The following LATS1 variants were observed in gnomAD, a reference collection of about 807,000 sequenced individuals.
LATS1 encodes the protein serine/threonine-protein kinase LATS1.
LATS1 carries 25 observed loss-of-function variants against 106.6 expected under a neutral mutation model. The ratio of observed to expected loss-of-function variants is 0.23; its 90% confidence interval spans 0.17 to 0.33. The LOEUF (loss-of-function observed/expected upper bound fraction) is 0.33. Ranked by LOEUF, LATS1 falls within the 10% of genes least tolerant of loss-of-function variation. The pLI is 1.00. For synonymous variants in LATS1, 465 were observed against 455.6 expected, an observed-to-expected ratio of 1.02 and a Z score of -0.26; for missense variants, 1,040 against 1,382.6, an observed-to-expected ratio of 0.75 and a Z score of 3.93.
At chr6:149,669,483 C>G (rs1044380295) in intron 7 of LATS1, among the ~76,000 whole-genome samples, 2 of 152,024 alleles carry the variant, frequency 1.3e-5, no homozygotes, top group African/African-American at 4.8e-5. Context: ...AACTACAAGC[C>G]AGGTGCAGGC....
chr6:149,665,116 C>T (rs1012126954), intron 7 of LATS1, among the ~76,000 whole-genome samples: 7 of 152,178 alleles, frequency 4.6e-5, no homozygotes, highest in Admixed American at 3.9e-4. Context: ...AATCCCAGCA[C>T]TTTGGGAGGC....
chr6:149,662,247 A>T lies in LATS1; in HGVS notation c.2884-9T>A, dbSNP rs749578860. 6.4e-7 allele frequency: 1 copy of T among 1,551,246 alleles called. No homozygotes were observed. Among genetic ancestry groups the T allele is most frequent in the East Asian group, 2.3e-5 (1 of 44,212 alleles). On this transcript the variant is annotated splice_polypyrimidine_tract_variant and intron_variant, in intron 7 of 7. Transcript: ENST00000543571. ...GTTTGCCAGTTGATAACCTTTAAAG[A>T]TTTTTTAAAATTAGGGGGAAGAGAT...
At position 149,683,569 on chromosome 6, in the gene LATS1, T is replaced by G. The variant is rs1782180454; in HGVS notation, c.1520A>C (p.Glu507Ala). 1.9e-6 allele frequency: 3 copies of G among 1,614,222 alleles called. No individual in the cohort carries two copies. The highest frequency in any genetic ancestry group is 2.5e-6 in the Non-Finnish European group (3 of 1,180,036). ...PVKSMRVLKP[E>A]LQTALAPTHP... Reference sequence around the variant, plus strand: ...TGTAGGTGCTAAAGCAGTCTGTAGCTCTGGTTTTAATACACGCATACTTTT... The same window carrying G: ...TGTAGGTGCTAAAGCAGTCTGTAGCGCTGGTTTTAATACACGCATACTTTT... The change falls in exon 4 of 8, where the codon GAG becomes GCG. Residue 507 changes from glutamate to alanine, a missense_variant. By Grantham distance (107) the Glu-to-Ala change is moderately radical. Coordinates refer to ENST00000543571, the MANE Select transcript of LATS1 (RefSeq NM_004690.4).
intron 3 of LATS1, among the ~76,000 whole-genome samples, chr6:149,690,593 C>T (rs1472030975): frequency 1.3e-5 from 2 of 151,240 alleles, no homozygotes; most frequent in East Asian, 3.9e-4. Flanking sequence ...ATTGCTCAGG[C>T]TGGAGTGCAG....
chr6:149,683,003 T>C, intron 4 of LATS1, 76 bp downstream of exon 4: 1 of 1,168,658 alleles, frequency 8.6e-7, no homozygotes, highest in Non-Finnish European at 1.2e-6. Context: ...AGAAAAATAC[T>C]GGACACAATA....
chr6:149,697,939 C>T (rs1783194374), intron 2 of LATS1, among the ~76,000 whole-genome samples: 1 of 152,062 alleles, frequency 6.6e-6, no homozygotes, highest in South Asian at 2.1e-4. Context: ...AAGGTTTTGC[C>T]TTGTTGGCCA....
intron 7 of LATS1, among the ~76,000 whole-genome samples, chr6:149,666,177 C>T (rs1187367637): frequency 7.1e-6 from 1 of 141,638 alleles, no homozygotes; most frequent in African/African-American, 2.6e-5. Flanking sequence ...AGTCTCATAA[C>T]ATATTATTCA....
chr6:149,662,511 A>G lies in LATS1; in HGVS notation c.2884-273T>C, dbSNP rs1582832330. On this transcript the variant is annotated intron_variant, in intron 7 of 7. Transcript: ENST00000543571. ...CTACTCTGCCTCCCCTGTACCATAT[A>G]TTTATTTCTATCATATTTCTAATAG... Among the ~76,000 whole-genome samples the G allele has an allele frequency of 3.3e-5, 5 of 151,904 alleles. No individual in the cohort carries two copies. The South Asian group carries it at 8.3e-4, about 25-fold the overall frequency.
intron 3 of LATS1, among the ~76,000 whole-genome samples, chr6:149,694,540 T>G (rs979541457): frequency 6.6e-6 from 1 of 152,142 alleles, no homozygotes; most frequent in African/African-American, 2.4e-5. Flanking sequence ...AGTAAAATTG[T>G]ACATGGTATA....
At chr6:149,663,204 C>T (rs532301246) in intron 7 of LATS1, among the ~76,000 whole-genome samples, 1 of 152,252 alleles carries the variant, frequency 6.6e-6, no homozygotes, top group Admixed American at 6.5e-5. Flanking sequence ...TTAACTTGGG[C>T]AGGCACTGTG....
At chr6:149,687,761 G>T (rs1782480820) in intron 3 of LATS1, among the ~76,000 whole-genome samples, 1 of 151,046 alleles carries the variant, frequency 6.6e-6, no homozygotes, top group South Asian at 2.1e-4. Flanking sequence ...TAGAGACGGG[G>T]TCTCCCTAAT....
chr6:149,678,582 G>A (rs1021560491), intron 5 of LATS1, among the ~76,000 whole-genome samples: 2 of 152,210 alleles, frequency 1.3e-5, no homozygotes, highest in Non-Finnish European at 2.9e-5. Flanking sequence ...AGAAGCACAG[G>A]AGGCTAATAA....
rs962897740 is a variant in LATS1 at position 149,660,995 on chromosome 6, C to A, written c.*734G>T. The A allele has an allele frequency of 6.6e-5, 14 of 210,946 alleles. No homozygotes were observed. The highest frequency in any genetic ancestry group is 2.3e-5 in the African/African-American group (1 of 43,666). The allele number at this position is 210,946 out of a possible 1,614,324, so 13.1% of individuals were successfully genotyped here. On this transcript the variant is annotated 3_prime_UTR_variant, in exon 8 of 8. Transcript: ENST00000543571. ...TGTTCCCTTTTAAAATTGGAAGCAGCATCAAAAATACCAATATGGAAAAAA... is the reference window on the plus strand; with the variant it reads ...TGTTCCCTTTTAAAATTGGAAGCAGAATCAAAAATACCAATATGGAAAAAA...
chr6:149,671,588 T>A lies in LATS1; in HGVS notation c.2883+4672A>T, dbSNP rs115526342. On this transcript the variant is annotated intron_variant, in intron 7 of 7. Coordinates refer to ENST00000543571, the MANE Select transcript of LATS1 (RefSeq NM_004690.4). The stretch of plus-strand genomic sequence containing the variant: ...CTATATTCTCTTCCATTGATCTAAG[T>A]GTGTATCTGTTTGCCACTATCTTAC... Among the ~76,000 whole-genome samples the A allele has an allele frequency of 2.3e-3, 351 of 152,168 alleles. 5 individuals are homozygous for A. Among genetic ancestry groups the A allele is most frequent in the African/African-American group, 7.2e-3 (300 of 41,426 alleles).
At chr6:149,696,644 T>G (rs1783096972) in intron 2 of LATS1, among the ~76,000 whole-genome samples, 1 of 151,050 alleles carries the variant, frequency 6.6e-6, no homozygotes, top group Non-Finnish European at 1.5e-5. Context: ...CCATTGTGCA[T>G]AGTAGTTCTG....
In LATS1 at chr6:149,701,972, T is replaced by C. The variant is rs763440800; in HGVS notation, c.155A>G (p.His52Arg). The C allele has an allele frequency of 2.5e-6, 4 of 1,614,218 alleles. No homozygotes were observed. The East Asian group carries it at 6.7e-5, about 27-fold the overall frequency. ...SKPSDAAKAE[H>R]NMSKMSTEDP... is the part of the protein sequence containing the mutation. ...TTCGGTTGACATTTTACTCATGTTA[T>C]GCTCAGCCTTAGCAGCATCAGATGG... Residue 52 changes from histidine (H) to arginine (R), a missense_variant, in exon 2 of 8, where the codon CAT (histidine) becomes CGT (arginine). Physicochemically the swap from His to Arg is conservative, Grantham distance 29. This residue lies in a region of LATS1 where 624 missense variants were observed against 714.8 expected (regional missense o/e 0.87). Coordinates refer to ENST00000543571, the MANE Select transcript of LATS1 (RefSeq NM_004690.4).
chr6:149,707,283 G>A lies in LATS1; in HGVS notation c.-140-5017C>T, dbSNP rs149270488. 3.9e-3 allele frequency among the ~76,000 whole-genome samples: 594 copies of A among 152,072 alleles called. 6 individuals are homozygous for A. The highest frequency in any genetic ancestry group is 0.014 in the African/African-American group (574 of 41,474). On this transcript the variant is annotated intron_variant, in intron 1 of 7. Transcript: ENST00000543571. ...CCCGCCTTGGCCTCCCAAAGTGCTG[G>A]GATTACAGGTATGAGCCACTGTGCC...
chr6:149,703,877 A>G (rs1242085328), intron 1 of LATS1, among the ~76,000 whole-genome samples: 1 of 152,250 alleles, frequency 6.6e-6, no homozygotes, highest in East Asian at 1.9e-4. Context: ...GTGAAGATGT[A>G]GGCTGTTCCT....
intron 3 of LATS1, among the ~76,000 whole-genome samples, chr6:149,687,853 C>T (rs1782486930): frequency 6.6e-6 from 1 of 151,870 alleles, no homozygotes; most frequent in Admixed American, 6.6e-5. Flanking sequence ...CAGGCGTGAG[C>T]CACCGTACTT....
Sources: gnomAD v4.1 joint callset for allele counts (sites outside exome capture counted in the v4.1 genomes callset) on GRCh38, gnomAD v4.1.1 for gene constraint, gnomAD v4.1.1 regional missense constraint, MANE v1.5 for transcripts, NCBI Gene and HGNC (gene_info 2026-07-23, HGNC 2026-07-21) for gene names.